Variants in SRFBP1 observed in about 807,000 individuals in gnomAD.
The protein encoded by SRFBP1 is serum response factor-binding protein 1.
In SRFBP1, 47 loss-of-function variants were observed where a neutral mutation model predicts 45.5. The observed-to-expected ratio is 1.03, with a 90% confidence interval of 0.82 to 1.32. The LOEUF is 1.32. SRFBP1 is among the 40% of genes most tolerant of loss of function. SRFBP1 has a pLI of 0.00. For synonymous variants in SRFBP1, 203 were observed against 166.3 expected, an observed-to-expected ratio of 1.22 and a Z score of -1.70; for missense variants, 621 against 484.6, an observed-to-expected ratio of 1.28 and a Z score of -2.64.
At chr5:121,962,183 GC>G in intron 1 of SRFBP1, 115 bp downstream of exon 1, 2 of 1,323,468 alleles carry the variant, frequency 1.5e-6, no homozygotes, top group Non-Finnish European at 2.1e-6. Flanking sequence ...TTCGTGGTGG[GC>G]CCAGGCGGGT....
In SRFBP1 at chr5:122,002,065, A is replaced by C. The variant is rs114670429; in HGVS notation, c.270+7395A>C. On this transcript the variant is annotated intron_variant, in intron 4 of 7. Transcript: ENST00000339397. ...GAATTATTTATTAAATACAACCTAT[A>C]TTCAGTGCTTATAGTTTTCACTAAA... 4.6e-3 allele frequency among the ~76,000 whole-genome samples: 698 copies of C among 152,320 alleles called. 1 individual carries two copies. Among genetic ancestry groups the C allele is most frequent in the Non-Finnish European group, 7.3e-3 (494 of 68,024 alleles).
chr5:121,997,245 C>A (rs1337773818), intron 4 of SRFBP1, among the ~76,000 whole-genome samples: 2 of 148,784 alleles, frequency 1.3e-5, no homozygotes, highest in African/African-American at 5.0e-5. Context: ...GGAGGCATCA[C>A]ACTACCTGAC....
chr5:122,075,219 A>C (rs1245984149), intron 2 of SRFBP1: 1 of 519,346 alleles, frequency 1.9e-6, no homozygotes, highest in Non-Finnish European at 3.3e-6. Flanking sequence ...CAGATTTTCC[A>C]TTTCAAAAGA....
At chr5:121,978,524 C>T (rs2112822506) in intron 3 of SRFBP1, among the ~76,000 whole-genome samples, 1 of 152,162 alleles carries the variant, frequency 6.6e-6, no homozygotes, top group South Asian at 2.1e-4. Flanking sequence ...TGGAGTCTCT[C>T]TCTGTCGCCC....
At chr5:121,995,423 A>G (rs924186483) in intron 4 of SRFBP1, among the ~76,000 whole-genome samples, 1 of 152,214 alleles carries the variant, frequency 6.6e-6, no homozygotes, top group Non-Finnish European at 1.5e-5. Context: ...TGCTGGGTAC[A>G]CAACGAAATG....
intron 3 of SRFBP1, among the ~76,000 whole-genome samples, chr5:121,990,378 G>A (rs1752594646): frequency 6.6e-6 from 1 of 152,166 alleles, no homozygotes; most frequent in Non-Finnish European, 1.5e-5. Context: ...GCTAATCATT[G>A]AGTACCTATG....
At chr5:122,072,792 A>AG (rs1455633332) in intron 2 of SRFBP1, among the ~76,000 whole-genome samples, 2 of 152,172 alleles carry the variant, frequency 1.3e-5, no homozygotes, top group African/African-American at 4.8e-5. Flanking sequence ...ACCCCAAAGA[A>AG]GGGGGGGAAC....
intron 4 of SRFBP1, among the ~76,000 whole-genome samples, chr5:122,008,882 C>T (rs1753033843): frequency 6.6e-6 from 1 of 152,156 alleles, no homozygotes; most frequent in African/African-American, 2.4e-5. Context: ...ATGTTCCTTT[C>T]ACCTTTATTT....
At chr5:122,058,816 CTG>C (rs888339495) in intron 2 of SRFBP1, among the ~76,000 whole-genome samples, 3 of 152,040 alleles carry the variant, frequency 2.0e-5, no homozygotes, top group East Asian at 1.9e-4. Context: ...TGTGAACTGA[CTG>C]TGTTTGTGAA....
At chr5:121,974,342 T>A in intron 2 of SRFBP1, 58 bp downstream of exon 2, 1 of 1,262,528 alleles carries the variant, frequency 7.9e-7, no homozygotes, top group Admixed American at 1.8e-5. Context: ...TTGTTTTTAT[T>A]TGATACTTTA....
chr5:122,036,656 A>T (rs2112725649), intron 2 of SRFBP1, among the ~76,000 whole-genome samples: 1 of 152,226 alleles, frequency 6.6e-6, no homozygotes, highest in South Asian at 2.1e-4. Context: ...AACCTTGAGC[A>T]CCAAGGCTCA....
At chr5:122,041,825 G>A (rs572465304) in intron 2 of SRFBP1, among the ~76,000 whole-genome samples, 5 of 152,020 alleles carry the variant, frequency 3.3e-5, no homozygotes, top group Non-Finnish European at 7.4e-5. Context: ...AGAATTGCTA[G>A]TACCTCCAGT....
chr5:122,067,441 G>C (rs1432055365), intron 2 of SRFBP1, among the ~76,000 whole-genome samples: 1 of 152,054 alleles, frequency 6.6e-6, no homozygotes, highest in Admixed American at 6.6e-5. Flanking sequence ...TATTTACTGG[G>C]TGGCTTTTAC....
chr5:122,048,173 G>T (rs1443422625), intron 2 of SRFBP1, among the ~76,000 whole-genome samples: 1 of 152,090 alleles, frequency 6.6e-6, no homozygotes, highest in Non-Finnish European at 1.5e-5. Context: ...TATGATATTG[G>T]CTGTGGGTTT....
intron 4 of SRFBP1, among the ~76,000 whole-genome samples, chr5:122,016,241 G>A (rs1034597819): frequency 6.6e-6 from 1 of 152,116 alleles, no homozygotes; most frequent in South Asian, 2.1e-4. Context: ...TAAGTCTTCT[G>A]TTTCTTGTCT....
At chr5:122,036,350 A>G (rs187644786) in intron 2 of SRFBP1, among the ~76,000 whole-genome samples, 37 of 152,202 alleles carry the variant, frequency 2.4e-4, no homozygotes, top group Non-Finnish European at 3.5e-4. Flanking sequence ...ATTAAAAACC[A>G]TAGACCCCAA....
intron 3 of SRFBP1, among the ~76,000 whole-genome samples, chr5:121,985,756 A>T (rs892151033): frequency 6.6e-6 from 1 of 151,946 alleles, no homozygotes; most frequent in African/African-American, 2.4e-5. Context: ...CACTTATGGT[A>T]TACCTGAGAA....
intron 4 of SRFBP1, among the ~76,000 whole-genome samples, chr5:122,003,860 T>C (rs1752927441): frequency 6.6e-6 from 1 of 152,228 alleles, no homozygotes; most frequent in African/African-American, 2.4e-5. Flanking sequence ...AATGTGTCCT[T>C]TTGGGAAATG....
At chr5:122,071,854 GC>G (rs1754460618) in intron 2 of SRFBP1, among the ~76,000 whole-genome samples, 1 of 152,124 alleles carries the variant, frequency 6.6e-6, no homozygotes, top group Non-Finnish European at 1.5e-5. Context: ...TTTGGGAAGA[GC>G]AGGGGAGAAT....
Sources: allele counts gnomAD v4.1 joint callset (sites outside exome capture counted in the v4.1 genomes callset), GRCh38; gene constraint gnomAD v4.1.1; transcripts MANE v1.5; gene names NCBI Gene and HGNC (gene_info 2026-07-23, HGNC 2026-07-21).